MAP3K9: variants seen among roughly 807,000 people sequenced by gnomAD.
The protein encoded by MAP3K9 is mixed lineage kinase 1 (tyr and ser/thr specificity).
Under a neutral mutation model 95.8 loss-of-function variants are expected in MAP3K9, and 46 were observed. That is an observed-to-expected ratio of 0.48 (90% confidence interval 0.38 to 0.61). The LOEUF is 0.61. Ranked by LOEUF, MAP3K9 falls within the 20% of genes least tolerant of loss-of-function variation. The pLI, the probability that MAP3K9 is intolerant of heterozygous loss-of-function variation, is 0.00. For synonymous variants in MAP3K9, 533 were observed against 593.8 expected, an observed-to-expected ratio of 0.90 and a Z score of 1.49; for missense variants, 1,296 against 1,474.3, an observed-to-expected ratio of 0.88 and a Z score of 1.98.
At position 70,809,352 on chromosome 14, in the gene MAP3K9, G is replaced by A. The variant is rs2055041133; in HGVS notation, c.-181C>T. 6.9e-6 allele frequency: 5 copies of A among 728,020 alleles called. No individual in the cohort carries two copies. The highest frequency in any genetic ancestry group is 1.8e-5 in the African/African-American group (1 of 54,504). 45.1% of individuals were successfully genotyped at this position (728,020 alleles called of 1,614,324 possible). A position where few individuals can be genotyped will look rare whatever the true frequency, so the allele number is the denominator to read the frequency against. On this transcript the variant is annotated 5_prime_UTR_variant, in exon 1 of 12. Transcript: ENST00000554752. ...CGGCGCTGTTACCGCGGTACGAGAA[G>A]AGCGCCGAGCGCGAGCTCTTCGCGC...
At chr14:70,764,202 A>AAAAAAAAAAAAAC (rs2054416240) in intron 2 of MAP3K9, among the ~76,000 whole-genome samples, 1 of 140,906 alleles carries the variant, frequency 7.1e-6, no homozygotes, top group African/African-American at 2.6e-5. Flanking sequence ...CAAAAAAAAA[A>AAAAAAAAAAAAAC]AAAAAAAGTT....
At chr14:70,782,972 G>A (rs1273149600) in intron 2 of MAP3K9, among the ~76,000 whole-genome samples, 5 of 152,186 alleles carry the variant, frequency 3.3e-5, no homozygotes, top group Non-Finnish European at 7.3e-5. Context: ...GGCATACCCA[G>A]AAACTGCTGG....
chr14:70,782,554 G>A (rs576100168), intron 2 of MAP3K9, among the ~76,000 whole-genome samples: 7 of 152,286 alleles, frequency 4.6e-5, no homozygotes, highest in African/African-American at 1.7e-4. Flanking sequence ...TGAACCACAA[G>A]TCCTTAATAG....
At chr14:70,774,983 C>CAAAA (rs60144338) in intron 2 of MAP3K9, among the ~76,000 whole-genome samples, 21 of 55,114 alleles carry the variant, frequency 3.8e-4, no homozygotes, top group South Asian at 2.2e-3. Context: ...ACTCTGTCCC[C>CAAAA]AAAAAAAAAA....
chr14:70,733,583 C>G (rs1468440753), intron 10 of MAP3K9, among the ~76,000 whole-genome samples: 1 of 152,210 alleles, frequency 6.6e-6, no homozygotes, highest in East Asian at 1.9e-4. Flanking sequence ...AATAAAAGAT[C>G]CGCTAATTTG....
intron 2 of MAP3K9, among the ~76,000 whole-genome samples, chr14:70,780,028 C>T (rs1156872960): frequency 6.6e-6 from 1 of 152,214 alleles, no homozygotes; most frequent in Admixed American, 6.5e-5. Flanking sequence ...TTCAGACAGG[C>T]TGGTTAGTTA....
intron 5 of MAP3K9, among the ~76,000 whole-genome samples, chr14:70,742,823 A>T (rs1370272780): frequency 6.6e-6 from 1 of 151,898 alleles, no homozygotes; most frequent in Non-Finnish European, 1.5e-5. Flanking sequence ...GAGAAGATAA[A>T]GCCATAGGTC....
At chr14:70,757,708 T>C (rs2054316004) in intron 3 of MAP3K9, among the ~76,000 whole-genome samples, 2 of 152,206 alleles carry the variant, frequency 1.3e-5, no homozygotes, top group Admixed American at 6.5e-5. Context: ...AGGACAGATA[T>C]AGATTAATGG....
chr14:70,787,134 G>A (rs2054754786), intron 2 of MAP3K9, among the ~76,000 whole-genome samples: 1 of 151,844 alleles, frequency 6.6e-6, no homozygotes, highest in Non-Finnish European at 1.5e-5. Context: ...CTTTTTCAAT[G>A]ATACTTTTTC....
In MAP3K9 at chr14:70,724,337, A is replaced by C. The variant is rs1395929731; in HGVS notation, c.*6043T>G. 6.6e-6 allele frequency: 1 copy of C among 152,166 alleles called. No homozygotes were observed. The highest frequency in any genetic ancestry group is 2.4e-5 in the African/African-American group (1 of 41,446). The allele number at this position is 152,166 out of a possible 1,614,324, so 9.4% of individuals were successfully genotyped here. A position where few individuals can be genotyped will look rare whatever the true frequency, so the allele number is the denominator to read the frequency against. On this transcript the variant is annotated 3_prime_UTR_variant, in exon 12 of 12. Transcript: ENST00000554752. ...AAGCTCCTAGATGTTTCATTGCTGT[A>C]AGCCTACACACTCCTATTTAAATGC...
At chr14:70,762,398 CTTG>C (rs1410388308) in intron 2 of MAP3K9, among the ~76,000 whole-genome samples, 2 of 152,108 alleles carry the variant, frequency 1.3e-5, no homozygotes, top group Admixed American at 1.3e-4. Context: ...CTCACGAATA[CTTG>C]TTATTTTCCT....
chr14:70,785,845 G>A (rs1003645398), intron 2 of MAP3K9, among the ~76,000 whole-genome samples: 8 of 152,174 alleles, frequency 5.3e-5, no homozygotes, highest in African/African-American at 1.7e-4. Flanking sequence ...AGAATGGTGT[G>A]CAATTTAAAA....
chr14:70,760,338 A>T (rs556059696), intron 3 of MAP3K9, among the ~76,000 whole-genome samples: 5 of 152,170 alleles, frequency 3.3e-5, no homozygotes. Context: ...GAAAAATTTT[A>T]GATCTATTTC....
At chr14:70,756,236 G>A (rs1371043446) in intron 3 of MAP3K9, among the ~76,000 whole-genome samples, 2 of 152,136 alleles carry the variant, frequency 1.3e-5, no homozygotes, top group Non-Finnish European at 2.9e-5. Context: ...AAGGTACGAA[G>A]GTACTTGGAT....
At position 70,775,940 on chromosome 14, in the gene MAP3K9, G is replaced by A. The variant is rs182953343; in HGVS notation, c.821-14758C>T. Among the ~76,000 whole-genome samples, 124 of 152,318 alleles carry A rather than the reference G, an allele frequency of 8.1e-4. 2 individuals are homozygous for A. The highest frequency in any genetic ancestry group is 2.8e-3 in the African/African-American group (116 of 41,554). On this transcript the variant is annotated intron_variant, in intron 2 of 11. Transcript: ENST00000554752. ...GTGGTGGCTCAAGCCTGTAATCCGA[G>A]CACTTTGGGAGGCCGAGGCGGGTGG...
intron 11 of MAP3K9, among the ~76,000 whole-genome samples, chr14:70,731,554 C>A (rs889012841): frequency 6.6e-6 from 1 of 152,222 alleles, no homozygotes; most frequent in Admixed American, 6.5e-5. Context: ...AACTGTACGG[C>A]CTACAAAGCC....
chr14:70,799,334 T>C (rs1478177739), intron 2 of MAP3K9, among the ~76,000 whole-genome samples: 3 of 151,286 alleles, frequency 2.0e-5, no homozygotes, highest in Non-Finnish European at 4.4e-5. Context: ...AATTTTAAAA[T>C]GTAGTTTTTT....
At chr14:70,804,070 A>C (rs2054962969) in intron 1 of MAP3K9, among the ~76,000 whole-genome samples, 1 of 152,206 alleles carries the variant, frequency 6.6e-6, no homozygotes, top group African/African-American at 2.4e-5. Context: ...GTGGTTGCCT[A>C]ATCTCTGGGC....
intron 6 of MAP3K9, among the ~76,000 whole-genome samples, chr14:70,740,616 T>C (rs1460383393): frequency 6.6e-6 from 1 of 152,210 alleles, no homozygotes; most frequent in African/African-American, 2.4e-5. Context: ...AGGGTATCAA[T>C]GACTAGCCCT....
Sources: gnomAD v4.1 joint callset for allele counts (sites outside exome capture counted in the v4.1 genomes callset) on GRCh38, gnomAD v4.1.1 for gene constraint, MANE v1.5 for transcripts, NCBI Gene and HGNC (gene_info 2026-07-23, HGNC 2026-07-21) for gene names.